The following C6orf132 variants were observed in gnomAD, a reference collection of about 807,000 sequenced individuals.
C6orf132 encodes the protein chromosome 6 open reading frame 132, also known as uncharacterized protein C6orf132.
Under a neutral mutation model 65.3 loss-of-function variants are expected in C6orf132, and 43 were observed. The observed-to-expected ratio is 0.66, with a 90% CI of 0.52 to 0.85. The LOEUF is 0.85. Ranked by LOEUF, C6orf132 falls within the 40% of genes least tolerant of loss-of-function variation. The probability of loss-of-function intolerance (pLI) is 0.00; values close to 1 mark genes in which losing one functional copy is unlikely to be tolerated. For synonymous variants in C6orf132, 631 were observed against 654.1 expected (o/e 0.96, Z 0.54); for missense variants, 1,488 against 1,548.8 (o/e 0.96, Z 0.66).
rs1044505200 is a variant in C6orf132, at chr6:42,106,870, G to A, written c.1042C>T (p.Pro348Ser). ...LPLPPSFHIR[P>S]ASQVYPDRAP... ...CTGTCTGGGTAGACCTGGGAGGCGGGGCGGATGTGGAAGCTGGGAGGCAGT... is the reference window on the plus strand; with the variant it reads ...CTGTCTGGGTAGACCTGGGAGGCGGAGCGGATGTGGAAGCTGGGAGGCAGT... The change falls in exon 4 of 5, where the codon CCC becomes TCC. Residue 348 changes from proline (P) to serine (S), a missense_variant. Coordinates refer to ENST00000341865, the MANE Select transcript of C6orf132 (RefSeq NM_001164446.3). 6 of 1,535,496 alleles carry A rather than the reference G, an allele frequency of 3.9e-6. No individual in the cohort carries two copies. The East Asian group carries it at 1.2e-4, about 31-fold the overall frequency.
In C6orf132 at chr6:42,102,087, T is replaced by C. The variant is rs1247593408; in HGVS notation, c.*1674A>G. 6.6e-6 allele frequency: 1 copy of C among 152,154 alleles called. No homozygotes were observed. Among genetic ancestry groups the C allele is most frequent in the Non-Finnish European group, 1.5e-5 (1 of 68,038 alleles). 9.4% of individuals were successfully genotyped at this position (152,154 alleles called of 1,614,324 possible). On this transcript the variant is annotated 3_prime_UTR_variant, in exon 5 of 5. Coordinates refer to ENST00000341865, the MANE Select transcript of C6orf132 (RefSeq NM_001164446.3). ...CAAGGAATATTGTTTCCTGATATGT[T>C]TGGTGATCACAGCATCTAAACCAGG...
At chr6:42,118,379 G>C (rs1299761797) in intron 2 of C6orf132, among the ~76,000 whole-genome samples, 1 of 152,168 alleles carries the variant, frequency 6.6e-6, no homozygotes, top group Non-Finnish European at 1.5e-5. Flanking sequence ...TCTGACTGCT[G>C]CAGTCAGCTG....
In C6orf132 at chr6:42,106,704, A is replaced by AG. The variant is rs1027114206; in HGVS notation, c.1207dup (p.Leu403ProfsTer33). ...GGGAAGTGGGGGTGCTGGGGGAGGGAGGGGGGGTGCAGGAGGGGGCAGGGG... is the reference window on the plus strand; with the variant it reads ...GGGAAGTGGGGGTGCTGGGGGAGGGAGGGGGGGGTGCAGGAGGGGGCAGGGG... On this transcript the variant is annotated frameshift_variant, in exon 4 of 5. Transcript: ENST00000341865. LOFTEE classifies it high-confidence loss of function. 2.3e-4 allele frequency: 44 copies of AG among 187,674 alleles called. No individual in the cohort carries two copies. The highest frequency in any genetic ancestry group is 6.8e-4 in the African/African-American group (5 of 7,380). The allele number at this position is 187,674 out of a possible 1,614,324, so 11.6% of individuals were successfully genotyped here.
Position 42,104,863 on chromosome 6 carries a change from A to G in C6orf132, c.3049T>C (p.Tyr1017His). 1 of 1,450,664 alleles carries G rather than the reference A, an allele frequency of 6.9e-7. No individual in the cohort carries two copies. Among genetic ancestry groups the G allele is most frequent in the Non-Finnish European group, 9.0e-7 (1 of 1,106,622 alleles). The allele number at this position is 1,450,664 out of a possible 1,614,324, so 89.9% of individuals were successfully genotyped here. ...GRQSSPPRNN[Y>H]SDLRQLPNAG... ...TTCGGGAGCTGCCTCAAGTCTGAGT[A>G]GTTGTTCCGGGGAGGGGAGCTCTGG... Residue 1017 changes from tyrosine (Y) to histidine (H), a missense_variant, in exon 4 of 5, where the codon TAC (tyrosine) becomes CAC (histidine). Physicochemically the swap from Tyr to His is moderately conservative, Grantham distance 83. Transcript: ENST00000341865. The surrounding 1 kb of genome is among the most constrained non-coding windows in gnomAD (Gnocchi z 4.1).
chr6:42,106,353 G>T lies in C6orf132; in HGVS notation c.1559C>A (p.Ala520Glu), dbSNP rs747529339. 146 of 1,536,518 alleles carry T rather than the reference G, an allele frequency of 9.5e-5. No individual in the cohort carries two copies. The African/African-American group carries it at 2.0e-3, about 21-fold the overall frequency. ...PEKETLLSLPAKDTPPGVPEK... is the reference protein window; with the variant it reads ...PEKETLLSLPEKDTPPGVPEK... ...AGGAACACCTGGGGGAGTGTCCTTTGCTGGCAGGCTCAGGAGAGTCTCCTT... is the reference window on the plus strand; with the variant it reads ...AGGAACACCTGGGGGAGTGTCCTTTTCTGGCAGGCTCAGGAGAGTCTCCTT... The change falls in exon 4 of 5, where the codon GCA becomes GAA. Residue 520 changes from alanine to glutamate, a missense_variant. By Grantham distance (107) the Ala-to-Glu change is moderately radical. Coordinates refer to ENST00000341865, the MANE Select transcript of C6orf132 (RefSeq NM_001164446.3).
intron 1 of C6orf132, among the ~76,000 whole-genome samples, chr6:42,131,219 C>T (rs1158805407): frequency 1.3e-5 from 2 of 152,058 alleles, no homozygotes; most frequent in East Asian, 3.9e-4. Flanking sequence ...TGGTGTTTCA[C>T]CATGTTGGCC....
chr6:42,142,020 A>G (rs538409872), intron 1 of C6orf132, among the ~76,000 whole-genome samples: 96 of 151,598 alleles, frequency 6.3e-4, no homozygotes, highest in African/African-American at 2.3e-3. Context: ...GGAATTAAAC[A>G]CCTCCGAATA....
At position 42,102,858 on chromosome 6, in the gene C6orf132, GT is replaced by G. The variant is rs1478276610; in HGVS notation, c.*902del. 7.7e-6 allele frequency: 3 copies of G among 391,238 alleles called. No individual in the cohort carries two copies. The allele number at this position is 391,238 out of a possible 1,614,324, so 24.2% of individuals were successfully genotyped here. Reference sequence around the variant, plus strand: ...AGTATTGGTGACTTGTAGTATCAGTGTTAGGAAAAATGCCTTCTCCAAATCC... The same window carrying G: ...AGTATTGGTGACTTGTAGTATCAGTGTAGGAAAAATGCCTTCTCCAAATCC... On this transcript the variant is annotated 3_prime_UTR_variant, in exon 5 of 5. Coordinates refer to ENST00000341865, the MANE Select transcript of C6orf132 (RefSeq NM_001164446.3).
At chr6:42,116,778 T>C (rs9462772) in intron 2 of C6orf132, among the ~76,000 whole-genome samples, 75,248 of 151,826 alleles carry the variant, frequency 0.5, 19,437 homozygotes, top group African/African-American at 0.63. Context: ...CTTTTTCCTA[T>C]CCCACTGTAG....
intron 2 of C6orf132, among the ~76,000 whole-genome samples, chr6:42,113,604 C>A (rs1340510892): frequency 1.3e-5 from 2 of 152,188 alleles, no homozygotes; most frequent in Non-Finnish European, 2.9e-5. Context: ...CACCTGAAGT[C>A]AGGAGTTCAA....
rs557019803 is a variant in C6orf132, at chr6:42,108,275, G to T, written c.329-692C>A. On this transcript the variant is annotated intron_variant, in intron 3 of 4. Transcript: ENST00000341865. ...AGCCTCAGTTTCCTCATCTGTCAAA[G>T]GGGCATGATGTCAGTGCTCGCTTCT... Among the ~76,000 whole-genome samples the T allele has an allele frequency of 2.5e-3, 386 of 152,306 alleles. 1 individual carries two copies. Among genetic ancestry groups the T allele is most frequent in the Middle Eastern group, 0.01 (3 of 294 alleles).
intron 2 of C6orf132, among the ~76,000 whole-genome samples, chr6:42,116,210 G>A (rs1018338032): frequency 6.6e-6 from 1 of 152,106 alleles, no homozygotes; most frequent in Middle Eastern, 3.4e-3. Context: ...TTACAGGCAT[G>A]AGCCACTGTG....
rs1766736023 is a variant in C6orf132 at position 42,124,529 on chromosome 6, G to A, written c.252+4143C>T. ...CTACCTCGTACCTCCCCTACCCACT[G>A]GGCAGCCTGGCCTGGGAGGTGCCTC... On this transcript the variant is annotated intron_variant, in intron 2 of 4. Coordinates refer to ENST00000341865, the MANE Select transcript of C6orf132 (RefSeq NM_001164446.3). The surrounding 1 kb of genome is among the most constrained non-coding windows in gnomAD (Gnocchi z 4.0). Among the ~76,000 whole-genome samples, 1 of 152,188 alleles carries A rather than the reference G, an allele frequency of 6.6e-6. No homozygotes were observed. Among genetic ancestry groups the A allele is most frequent in the African/African-American group, 2.4e-5 (1 of 41,442 alleles).
rs548054679 is a variant in C6orf132 at position 42,105,579 on chromosome 6, A to C, written c.2333T>G (p.Leu778Arg). ...LYKPHCHQSS[L>R]SREVAVVMPT... ...CATCACCACAGCAACCTCACGGCTG[A>C]GGCTGCTCTGGTGGCAGTGGGGCTT... The change falls in exon 4 of 5, where the codon CTC becomes CGC. Residue 778 changes from leucine (L) to arginine (R), a missense_variant. Physicochemically the swap from Leu to Arg is moderately radical, Grantham distance 102. Transcript: ENST00000341865. 2 of 1,536,768 alleles carry C rather than the reference A, an allele frequency of 1.3e-6. No homozygotes were observed. The highest frequency in any genetic ancestry group is 2.4e-5 in the South Asian group (2 of 84,066).
At chr6:42,142,116 T>C (rs1489660162) in intron 1 of C6orf132, among the ~76,000 whole-genome samples, 184 bp downstream of exon 1, 1 of 151,942 alleles carries the variant, frequency 6.6e-6, no homozygotes, top group South Asian at 2.1e-4. Flanking sequence ...CACACCTCTC[T>C]CACCGCACAG....
At position 42,106,744 on chromosome 6, in the gene C6orf132, G is replaced by A; in HGVS notation, c.1168C>T (p.Pro390Ser). 6.5e-7 allele frequency: 1 copy of A among 1,528,910 alleles called. No homozygotes were observed. Among genetic ancestry groups the A allele is most frequent in the Non-Finnish European group, 8.8e-7 (1 of 1,142,728 alleles). The allele number at this position is 1,528,910 out of a possible 1,614,324, so 94.7% of individuals were successfully genotyped here. Residue 390 changes from proline (P) to serine (S), a missense_variant, in exon 4 of 5, where the codon CCG becomes TCG. Physicochemically the swap from Pro to Ser is moderately conservative, Grantham distance 74 (BLOSUM62 -1). Coordinates refer to ENST00000341865, the MANE Select transcript of C6orf132 (RefSeq NM_001164446.3). Reference protein sequence around the residue: ...QSQADERAGTPPPAPPLPPPA... With the variant: ...QSQADERAGTSPPAPPLPPPA... ...GGGGGCAGGGGAGGGGCTGGAGGCG[G>A]AGTCCCAGCTCGTTCATCTGCTTGG...
intron 2 of C6orf132, among the ~76,000 whole-genome samples, chr6:42,120,009 G>A (rs1766654658): frequency 2.6e-5 from 4 of 151,552 alleles, no homozygotes; most frequent in African/African-American, 9.7e-5. Context: ...CAGGAGAATC[G>A]CTTGAACCCG....
intron 2 of C6orf132, among the ~76,000 whole-genome samples, chr6:42,125,089 G>C (rs1292048648): frequency 6.6e-6 from 1 of 152,174 alleles, no homozygotes; most frequent in Admixed American, 6.5e-5. Context: ...AAGAGGCCTG[G>C]TGCCCAGCAG....
intron 2 of C6orf132, among the ~76,000 whole-genome samples, chr6:42,118,945 C>T (rs1766632111): frequency 7.0e-6 from 1 of 142,444 alleles, no homozygotes; most frequent in Non-Finnish European, 1.5e-5. Flanking sequence ...AAGATCATAG[C>T]TCACCGCAGC....
Sources: gnomAD v4.1 joint callset for allele counts (sites outside exome capture counted in the v4.1 genomes callset) on GRCh38, gnomAD v4.1.1 for gene constraint, Gnocchi (gnomAD v3.1) non-coding constraint, MANE v1.5 for transcripts, NCBI Gene and HGNC (gene_info 2026-07-23, HGNC 2026-07-21) for gene names.